Variants in NSMF observed in about 807,000 individuals in gnomAD.
NSMF encodes the protein NMDA receptor synaptonuclear signaling and neuronal migration factor, also known as nasal embryonic LHRH factor.
NSMF carries 31 observed loss-of-function variants against 71.0 expected under a neutral mutation model. The ratio of observed to expected loss-of-function variants is 0.44; its 90% CI spans 0.33 to 0.59. NSMF has a LOEUF of 0.59. Among genes scored for constraint, NSMF ranks in the 20% least tolerant of loss-of-function variants. The pLI, the probability that NSMF is intolerant of heterozygous loss-of-function variation, is 0.04. For synonymous variants in NSMF, 345 were observed against 287.1 expected (o/e 1.20, Z -2.04); for missense variants, 673 against 740.5 (o/e 0.91, Z 1.06).
At chr9:137,452,251 C>T (rs1271798959) in intron 12 of NSMF, 114 bp downstream of exon 12, 3 of 754,394 alleles carry the variant, frequency 4.0e-6, no homozygotes, top group Non-Finnish European at 6.3e-6. Context: ...TCCCCTTGGT[C>T]TCCCCACCCC....
rs1159035360 is a variant in NSMF, at chr9:137,454,461, G to A, written c.780-18C>T. The A allele has an allele frequency of 1.3e-6, 2 of 1,550,156 alleles. No individual in the cohort carries two copies. The highest frequency in any genetic ancestry group is 1.7e-6 in the Non-Finnish European group (2 of 1,146,828). On this transcript the variant is annotated intron_variant, in intron 6 of 15. Transcript: ENST00000371475. ...GGAAGTTCCTGGGGGAGGAAGCCAGGGGCTGAAGAGGGCCGTGAGAGGGTG... is the reference window on the plus strand; with the variant it reads ...GGAAGTTCCTGGGGGAGGAAGCCAGAGGCTGAAGAGGGCCGTGAGAGGGTG...
chr9:137,455,055 G>A (rs1830761980), intron 6 of NSMF, 184 bp downstream of exon 6: 3 of 755,400 alleles, frequency 4.0e-6, no homozygotes, highest in Non-Finnish European at 4.8e-6. Context: ...CAGGACTGAG[G>A]GTGAGATGCT....
intron 12 of NSMF, among the ~76,000 whole-genome samples, 174 bp from the exon 13 acceptor site, chr9:137,450,429 T>C (rs1371233810): frequency 3.1e-5 from 2 of 64,898 alleles, no homozygotes; most frequent in Non-Finnish European, 5.8e-5. Context: ...ACACGCCTCT[T>C]CCCTTTGATC....
chr9:137,456,002 G>T (rs573503743), intron 4 of NSMF, among the ~76,000 whole-genome samples: 1 of 152,274 alleles, frequency 6.6e-6, no homozygotes, highest in Non-Finnish European at 1.5e-5. Flanking sequence ...TGTCAAGACA[G>T]AGAGGAGCAG....
Position 137,457,910 on chromosome 9 carries a change from G to T in NSMF, c.134-9C>A. 6.5e-7 allele frequency: 1 copy of T among 1,540,454 alleles called. No individual in the cohort carries two copies. The highest frequency in any genetic ancestry group is 1.2e-5 in the South Asian group (1 of 84,252). ...ATCAGCCAGCAGGTGATCTAGGAGA[G>T]ACACTGAGTGAGCCTGCCTGCCGCG... On this transcript the variant is annotated splice_polypyrimidine_tract_variant and intron_variant, in intron 2 of 15. Coordinates refer to ENST00000371475, the MANE Select transcript of NSMF (RefSeq NM_001130969.3).
At chr9:137,449,766 C>T (rs2131940991) in intron 14 of NSMF, 92 bp from the exon 15 acceptor site, 1 of 1,356,478 alleles carries the variant, frequency 7.4e-7, no homozygotes, top group Non-Finnish European at 1.0e-6. Flanking sequence ...CCTCTTTTTT[C>T]AGACCCCCCA....
intron 2 of NSMF, 147 bp downstream of exon 2, chr9:137,458,341 G>A (rs2132022362): frequency 4.0e-6 from 3 of 748,712 alleles, no homozygotes; most frequent in Non-Finnish European, 4.5e-6. Flanking sequence ...CGGGCAGGGA[G>A]GGCAGGGGAT....
chr9:137,458,447 G>C (rs1474205438), intron 2 of NSMF, 41 bp downstream of exon 2: 14 of 1,525,706 alleles, frequency 9.2e-6, no homozygotes, highest in Non-Finnish European at 1.2e-5. Context: ...CCTTGGGCTG[G>C]GGGGTCTGGG....
chr9:137,457,335 G>A lies in NSMF; in HGVS notation c.628+72C>T, dbSNP rs2132013364. ...TGTTCTCTGTTCCAAGCCTCACAGT[G>A]GCTGCTGCTGTCAGACCCTGGCAGC... On this transcript the variant is annotated intron_variant, in intron 3 of 15. Coordinates refer to ENST00000371475, the MANE Select transcript of NSMF (RefSeq NM_001130969.3). 7.5e-6 allele frequency: 12 copies of A among 1,595,206 alleles called. No individual in the cohort carries two copies. The South Asian group carries it at 1.1e-4, about 15-fold the overall frequency.
At chr9:137,452,242 C>G in intron 12 of NSMF, 123 bp downstream of exon 12, 1 of 610,250 alleles carries the variant, frequency 1.6e-6, no homozygotes, top group Non-Finnish European at 2.7e-6. Context: ...AACACCTCTT[C>G]CCCTTGGTCT....
intron 4 of NSMF, among the ~76,000 whole-genome samples, chr9:137,456,207 T>TGG (rs375727289): frequency 4.9e-3 from 508 of 103,124 alleles, no homozygotes; most frequent in Middle Eastern, 0.015. Flanking sequence ...TGTGTGTGTG[T>TGG]GGGGGGGGGG....
chr9:137,456,403 A>T lies in NSMF; in HGVS notation c.704+8T>A. ...ACCCTGACCCCAAGTCGTGGGCACA[A>T]GACTCACGCTTGCATAGTTGTGGTT... On this transcript the variant is annotated splice_region_variant and intron_variant, in intron 4 of 15. Coordinates refer to ENST00000371475, the MANE Select transcript of NSMF (RefSeq NM_001130969.3). The T allele has an allele frequency of 6.2e-7, 1 of 1,609,816 alleles. No individual in the cohort carries two copies. Among genetic ancestry groups the T allele is most frequent in the Non-Finnish European group, 8.5e-7 (1 of 1,176,744 alleles).
In NSMF at chr9:137,453,562, C is replaced by T; in HGVS notation, c.922+169G>A. 1 of 634,350 alleles carries T rather than the reference C, an allele frequency of 1.6e-6. No homozygotes were observed. The allele number at this position is 634,350 out of a possible 1,614,324, so 39.3% of individuals were successfully genotyped here. On this transcript the variant is annotated intron_variant, in intron 8 of 15. Coordinates refer to ENST00000371475, the MANE Select transcript of NSMF (RefSeq NM_001130969.3). The surrounding 1 kb of genome is among the most constrained non-coding windows in gnomAD (Gnocchi z 4.5). ...GCACTGCCGCGGCCGTTGTTAGCCC[C>T]GCCTTTGCGATCGGAGATGCTGAGG...
At chr9:137,455,050 CTG>C in intron 6 of NSMF, 187 bp downstream of exon 6, 1 of 749,246 alleles carries the variant, frequency 1.3e-6, no homozygotes, top group Non-Finnish European at 2.4e-6. Flanking sequence ...GAGTGCAGGA[CTG>C]AGGGTGAGAT....
chr9:137,457,458 A>G lies in NSMF; in HGVS notation c.577T>C (p.Ser193Pro), dbSNP rs1443591046. The G allele has an allele frequency of 6.2e-7, 1 of 1,612,840 alleles. No individual in the cohort carries two copies. Among genetic ancestry groups the G allele is most frequent in the Admixed American group, 1.7e-5 (1 of 60,024 alleles). The change falls in exon 3 of 16, where the codon TCC (serine) becomes CCC (proline). Residue 193 changes from serine (S) to proline (P), a missense_variant. This residue lies in a region of NSMF where 471 missense variants were observed against 459.6 expected (regional missense o/e 1.02). Transcript: ENST00000371475. ...CTCTCCAGCTTCTTGCGGCGACCGGAGGTCTCAGGCAGAGGTGGCTGGTCC... is the reference window on the plus strand; with the variant it reads ...CTCTCCAGCTTCTTGCGGCGACCGGGGGTCTCAGGCAGAGGTGGCTGGTCC... ...GLDQPPLPET[S>P]GRRKKLERMY...
chr9:137,454,040 A>G (rs1830695359), intron 7 of NSMF, among the ~76,000 whole-genome samples: 1 of 149,228 alleles, frequency 6.7e-6, no homozygotes, highest in Non-Finnish European at 1.5e-5. Flanking sequence ...GGAAGGGAGG[A>G]GCCTGGGCCG....
In NSMF at chr9:137,453,543, C is replaced by T. The variant is rs1342122912; in HGVS notation, c.922+188G>A. The T allele has an allele frequency of 3.3e-6, 2 of 615,082 alleles. No homozygotes were observed. The highest frequency in any genetic ancestry group is 3.0e-5 in the Admixed American group (1 of 33,550). The allele number at this position is 615,082 out of a possible 1,614,324, so 38.1% of individuals were successfully genotyped here. A position where few individuals can be genotyped will look rare whatever the true frequency, so the allele number is the denominator to read the frequency against. On this transcript the variant is annotated intron_variant, in intron 8 of 15. Coordinates refer to ENST00000371475, the MANE Select transcript of NSMF (RefSeq NM_001130969.3). The surrounding 1 kb of genome is among the most constrained non-coding windows in gnomAD (Gnocchi z 4.5). ...CTACAGGCGCCCCCGGCCAGCACTG[C>T]CGCGGCCGTTGTTAGCCCCGCCTTT...
Position 137,455,316 on chromosome 9 carries a change from C to A in NSMF, c.711-9G>T. ...CGTAGCCCCTGAACACCCTGGGAAA[C>A]CACCGCGAGTCAGCACTGCCCTTGG... On this transcript the variant is annotated splice_polypyrimidine_tract_variant and intron_variant, in intron 5 of 15. Coordinates refer to ENST00000371475, the MANE Select transcript of NSMF (RefSeq NM_001130969.3). The A allele has an allele frequency of 6.2e-7, 1 of 1,612,714 alleles. No individual in the cohort carries two copies. The highest frequency in any genetic ancestry group is 8.5e-7 in the Non-Finnish European group (1 of 1,179,898).
intron 3 of NSMF, 105 bp from the exon 4 acceptor site, chr9:137,456,591 G>C: frequency 6.5e-6 from 5 of 766,994 alleles, no homozygotes; most frequent in East Asian, 2.7e-5. Flanking sequence ...GTCAGCAGAA[G>C]CTGGCAGCCA....
Sources: allele counts gnomAD v4.1 joint callset (sites outside exome capture counted in the v4.1 genomes callset), GRCh38; gene constraint gnomAD v4.1.1; regional missense constraint gnomAD v4.1.1; non-coding constraint Gnocchi (gnomAD v3.1); transcripts MANE v1.5; gene names NCBI Gene and HGNC (gene_info 2026-07-23, HGNC 2026-07-21).